NAALADL2: variants seen among roughly 807,000 people sequenced by gnomAD.
NAALADL2 encodes the protein N-acetylated alpha-linked acidic dipeptidase like 2.
A neutral mutation model predicts 87.2 loss-of-function variants in NAALADL2; 76 were observed. That is an observed-to-expected ratio of 0.87 (90% CI 0.72 to 1.05). NAALADL2 has a LOEUF of 1.05. NAALADL2 is among the 50% of genes least tolerant of loss of function. The pLI, the probability that NAALADL2 is intolerant of heterozygous loss-of-function variation, is 0.00. For missense variants in NAALADL2, 1,089 were observed against 945.8 expected (o/e 1.15, Z -1.99); for synonymous variants, 354 against 331.0 (o/e 1.07, Z -0.75).
At chr3:174,453,176 A>G (rs1260359617) in intron 1 of NAALADL2, among the ~76,000 whole-genome samples, 1 of 152,226 alleles carries the variant, frequency 6.6e-6, no homozygotes, top group Non-Finnish European at 1.5e-5. Context: ...AACTGAGGAA[A>G]GAGTCTCAGA....
intron 10 of NAALADL2, among the ~76,000 whole-genome samples, chr3:175,585,261 C>A (rs948848542): frequency 6.6e-6 from 1 of 152,080 alleles, no homozygotes; most frequent in Non-Finnish European, 1.5e-5. Context: ...GCAACAGGAA[C>A]TTTTCAGTAT....
intron 1 of NAALADL2, among the ~76,000 whole-genome samples, chr3:175,041,228 T>G (rs1267766273): frequency 6.6e-6 from 1 of 152,162 alleles, no homozygotes; most frequent in Non-Finnish European, 1.5e-5. Flanking sequence ...TTCTTCAAGG[T>G]TCTTAAAAAT....
rs540035080 is a variant in NAALADL2 at position 175,257,809 on chromosome 3, C to T, written c.939+1279C>T. Among the ~76,000 whole-genome samples the T allele has an allele frequency of 4.5e-4, 69 of 152,162 alleles. 2 individuals carry two copies. In the South Asian group the frequency reaches 0.014, roughly 30 times the overall value. ...ATCAAGAGAACATTTATAATAATTACAATACTAGTGATTTTATTATTGCCT... is the reference window on the plus strand; with the variant it reads ...ATCAAGAGAACATTTATAATAATTATAATACTAGTGATTTTATTATTGCCT... On this transcript the variant is annotated intron_variant, in intron 4 of 13. Coordinates refer to ENST00000454872, the MANE Select transcript of NAALADL2 (RefSeq NM_207015.3).
intron 10 of NAALADL2, among the ~76,000 whole-genome samples, chr3:175,593,271 A>G (rs770785505): frequency 6.6e-6 from 1 of 152,116 alleles, no homozygotes; most frequent in African/African-American, 2.4e-5. Context: ...TTTCCTTTTA[A>G]CACAAGTATT....
At chr3:174,557,526 A>G (rs1213339036) in intron 2 of NAALADL2, among the ~76,000 whole-genome samples, 2 of 152,298 alleles carry the variant, frequency 1.3e-5, no homozygotes, top group Admixed American at 6.5e-5. Flanking sequence ...AATTTTTAAT[A>G]TAATAGACTC....
At chr3:175,107,497 C>A (rs1185499062) in intron 2 of NAALADL2, among the ~76,000 whole-genome samples, 1 of 145,004 alleles carries the variant, frequency 6.9e-6, no homozygotes, top group African/African-American at 2.7e-5. Flanking sequence ...CATACACAAG[C>A]ACGAACACAC....
At chr3:175,588,200 T>G (rs543390063) in intron 10 of NAALADL2, among the ~76,000 whole-genome samples, 1 of 152,272 alleles carries the variant, frequency 6.6e-6, no homozygotes, top group Non-Finnish European at 1.5e-5. Flanking sequence ...ATCCAATGCC[T>G]TAATCTTGTT....
intron 2 of NAALADL2, among the ~76,000 whole-genome samples, chr3:174,552,849 G>A (rs887518932): frequency 2.1e-5 from 3 of 143,868 alleles, no homozygotes; most frequent in Non-Finnish European, 3.0e-5. Context: ...AGTTAGCACC[G>A]AATAATTCCT....
chr3:174,880,534 G>T (rs1009113178), intron 1 of NAALADL2, among the ~76,000 whole-genome samples: 3 of 151,956 alleles, frequency 2.0e-5, no homozygotes, highest in African/African-American at 7.2e-5. Context: ...CTAGTCTTCT[G>T]ATGGGTTACC....
At chr3:175,348,050 CTTTTG>C (rs1015443980) in intron 5 of NAALADL2, among the ~76,000 whole-genome samples, 7 of 151,950 alleles carry the variant, frequency 4.6e-5, no homozygotes, top group South Asian at 2.1e-4. Context: ...GGTTAGGTTT[CTTTTG>C]TTTTGTTTTG....
At chr3:175,010,896 A>G (rs1749686727) in intron 1 of NAALADL2, among the ~76,000 whole-genome samples, 1 of 152,118 alleles carries the variant, frequency 6.6e-6, no homozygotes, top group Admixed American at 6.6e-5. Context: ...CTTGTTTCTC[A>G]CATATAATCT....
At chr3:174,711,794 A>G (rs967921220) in intron 2 of NAALADL2, among the ~76,000 whole-genome samples, 10 of 152,124 alleles carry the variant, frequency 6.6e-5, no homozygotes, top group Non-Finnish European at 8.8e-5. Flanking sequence ...CAAGATAAAC[A>G]TATGAATTTT....
At chr3:175,584,247 G>A (rs746175295) in intron 10 of NAALADL2, among the ~76,000 whole-genome samples, 1 of 151,998 alleles carries the variant, frequency 6.6e-6, no homozygotes, top group African/African-American at 2.4e-5. Context: ...CATGTTGCCA[G>A]GCCAGTCTCG....
intron 2 of NAALADL2, among the ~76,000 whole-genome samples, chr3:175,232,351 G>A (rs375431190): frequency 6.6e-6 from 1 of 152,160 alleles, no homozygotes; most frequent in Non-Finnish European, 1.5e-5. Context: ...GCATCTTCCT[G>A]TGTAGGCCAC....
At chr3:175,526,726 A>C (rs146582712) in intron 9 of NAALADL2, among the ~76,000 whole-genome samples, 126 of 152,290 alleles carry the variant, frequency 8.3e-4, no homozygotes, top group African/African-American at 2.9e-3. Flanking sequence ...ACCAACCAAC[A>C]AACAAAAGCC....
chr3:175,615,901 C>T (rs761047043), intron 10 of NAALADL2, among the ~76,000 whole-genome samples: 92 of 146,262 alleles, frequency 6.3e-4, no homozygotes, highest in Non-Finnish European at 1.0e-3. Flanking sequence ...ATATAAAATA[C>T]GTATAATATA....
intron 4 of NAALADL2, among the ~76,000 whole-genome samples, chr3:175,274,128 G>T (rs528509905): frequency 6.6e-6 from 1 of 152,202 alleles, no homozygotes; most frequent in East Asian, 1.9e-4. Context: ...CGTGGCTGGG[G>T]AGGCCTCACA....
intron 10 of NAALADL2, among the ~76,000 whole-genome samples, chr3:175,577,178 CACTT>C (rs2149560633): frequency 6.6e-6 from 1 of 152,268 alleles, no homozygotes; most frequent in South Asian, 2.1e-4. Context: ...CTGACTCTGA[CACTT>C]ACTCGACAAA....
rs560736211 is a variant in NAALADL2 at position 174,955,775 on chromosome 3, T to A, written c.43+96325T>A. 7.9e-5 allele frequency among the ~76,000 whole-genome samples: 12 copies of A among 152,192 alleles called. 1 individual carries two copies. In the South Asian group the frequency reaches 2.5e-3, roughly 32 times the overall value. ...GAAGATTAGAATCACCTGCAGGACT[T>A]TTTAAAAGACAGATGATCAGGCTCT... On this transcript the variant is annotated intron_variant, in intron 1 of 13. Transcript: ENST00000454872.
Sources: gnomAD v4.1 joint callset for allele counts (sites outside exome capture counted in the v4.1 genomes callset) on GRCh38, gnomAD v4.1.1 for gene constraint, MANE v1.5 for transcripts, NCBI Gene and HGNC (gene_info 2026-07-23, HGNC 2026-07-21) for gene names.